Variants in CUBN observed in about 807,000 individuals in gnomAD.
The protein encoded by CUBN is cubilin.
CUBN carries 282 observed loss-of-function variants against 405.3 expected under a neutral mutation model. The observed-to-expected ratio is 0.70, with a 90% CI of 0.63 to 0.77. The LOEUF (loss-of-function observed/expected upper bound fraction) is 0.77, where lower values mean the gene tolerates loss of function less well. Among genes scored for constraint, CUBN ranks in the 30% least tolerant of loss-of-function variants. The pLI, the probability that CUBN is intolerant of heterozygous loss-of-function variation, is 0.00. For synonymous variants in CUBN, 1,684 were observed against 1,617.0 expected (o/e 1.04, Z -0.99); for missense variants, 4,514 against 4,475.2 (o/e 1.01, Z -0.25).
Position 16,941,911 on chromosome 10 carries a change from G to A in CUBN, c.5343-1674C>T, listed in dbSNP as rs1004320209. 1.3e-4 allele frequency among the ~76,000 whole-genome samples: 20 copies of A among 152,142 alleles called. 5 individuals are homozygous for A. Among genetic ancestry groups the A allele is most frequent in the Admixed American group, 2.0e-4 (3 of 15,274 alleles). ...CGGGGTGGGGAAATGGGAGATAATC[G>A]TAAAGCATTTATCTAGCAAGGGACT... is the stretch of plus-strand genomic sequence containing the variant. On this transcript the variant is annotated intron_variant, in intron 36 of 66. Coordinates refer to ENST00000377833, the MANE Select transcript of CUBN (RefSeq NM_001081.4).
intron 28 of CUBN, among the ~76,000 whole-genome samples, chr10:17,009,508 T>G (rs1834119918): frequency 6.6e-6 from 1 of 152,224 alleles, no homozygotes; most frequent in South Asian, 2.1e-4. Flanking sequence ...ATCAAGCTCC[T>G]TAGAGTGGCC....
intron 22 of CUBN, among the ~76,000 whole-genome samples, chr10:17,062,299 T>A (rs1342258076): frequency 6.6e-6 from 1 of 152,174 alleles, no homozygotes; most frequent in African/African-American, 2.4e-5. Flanking sequence ...TGAAAATGAA[T>A]CCGGTACATT....
chr10:17,075,951 G>T (rs1401804147), intron 17 of CUBN, among the ~76,000 whole-genome samples: 2 of 152,168 alleles, frequency 1.3e-5, no homozygotes, highest in East Asian at 3.8e-4. Context: ...TTTTGTTAGA[G>T]ATACAGACAT....
At chr10:17,083,552 T>C (rs74228765) in intron 17 of CUBN, among the ~76,000 whole-genome samples, 5,381 of 40,452 alleles carry the variant, frequency 0.13, 209 homozygotes, top group South Asian at 0.44. Flanking sequence ...TACATACTGC[T>C]GTAGTGCTAT....
At chr10:16,945,468 G>A (rs2131615998) in intron 36 of CUBN, among the ~76,000 whole-genome samples, 1 of 152,228 alleles carries the variant, frequency 6.6e-6, no homozygotes, top group Middle Eastern at 3.4e-3. Flanking sequence ...TGCTCTTAGT[G>A]AAGACAAAGA....
chr10:16,847,819 T>C lies in CUBN; in HGVS notation c.9663+3416A>G, dbSNP rs948876392. Among the ~76,000 whole-genome samples the C allele has an allele frequency of 1.4e-4, 21 of 152,256 alleles. 1 individual carries two copies. The highest frequency in any genetic ancestry group is 4.6e-4 in the African/African-American group (19 of 41,472). ...TTATGAATGAATAATGGAATTGGTA[T>C]GATTTTACTTGTGTATCTACCACAG... On this transcript the variant is annotated intron_variant, in intron 60 of 66. Transcript: ENST00000377833.
intron 17 of CUBN, among the ~76,000 whole-genome samples, chr10:17,078,067 T>A (rs956390967): frequency 1.6e-4 from 25 of 152,130 alleles, no homozygotes; most frequent in African/African-American, 6.0e-4. Flanking sequence ...TCTCTTCTCC[T>A]CCCCATCATC....
At chr10:16,965,961 A>T in intron 31 of CUBN, 1 of 471,236 alleles carries the variant, frequency 2.1e-6, no homozygotes, top group South Asian at 1.5e-5. Context: ...CTGACGTCCG[A>T]CCAAGTATGA....
At chr10:17,108,381 ATGTG>A (rs34953406) in intron 10 of CUBN, among the ~76,000 whole-genome samples, 66,648 of 150,834 alleles carry the variant, frequency 0.44, 16,077 homozygotes, top group Middle Eastern at 0.72. Flanking sequence ...TCACAAGTAT[ATGTG>A]TGTGTGTGTG....
At chr10:16,890,662 G>A (rs750440904) in intron 54 of CUBN, 135 bp from the exon 55 acceptor site, 1 of 884,468 alleles carries the variant, frequency 1.1e-6, no homozygotes, top group Non-Finnish European at 1.9e-6. Flanking sequence ...GGACAAATCT[G>A]TAGTATTTTC....
chr10:16,839,294 G>A (rs903929876), intron 62 of CUBN, among the ~76,000 whole-genome samples: 10 of 152,172 alleles, frequency 6.6e-5, no homozygotes, highest in Non-Finnish European at 1.2e-4. Flanking sequence ...CAAGTTTCTC[G>A]ACACACCTGA....
chr10:17,034,144 C>T lies in CUBN; in HGVS notation c.4017+6889G>A, dbSNP rs145675790. 4.3e-4 allele frequency among the ~76,000 whole-genome samples: 65 copies of T among 152,204 alleles called. No homozygotes were observed. In the East Asian group the frequency reaches 0.011, roughly 26 times the overall value. On this transcript the variant is annotated intron_variant, in intron 27 of 66. Transcript: ENST00000377833. Reference sequence around the variant, plus strand: ...AAATGCCTTTGACTGAAGTCCCCCACACTATCACGAGGACTTGAAATGGAC... The same window carrying T: ...AAATGCCTTTGACTGAAGTCCCCCATACTATCACGAGGACTTGAAATGGAC...
At chr10:17,032,540 T>C (rs1287368644) in intron 27 of CUBN, among the ~76,000 whole-genome samples, 1 of 152,226 alleles carries the variant, frequency 6.6e-6, no homozygotes, top group Non-Finnish European at 1.5e-5. Context: ...TGGACTACTA[T>C]GAGGACAGAC....
chr10:16,913,835 C>G lies in CUBN; in HGVS notation c.7509G>C (p.Pro2503=), dbSNP rs201001705. 5 of 1,613,672 alleles carry G rather than the reference C, an allele frequency of 3.1e-6. No homozygotes were observed. Among genetic ancestry groups the G allele is most frequent in the Admixed American group, 3.3e-5 (2 of 59,986 alleles). The change falls in exon 48 of 67, where the codon CCG becomes CCC. Residue 2503 remains proline (P), a synonymous_variant. Coordinates refer to ENST00000377833, the MANE Select transcript of CUBN (RefSeq NM_001081.4). The stretch of plus-strand genomic sequence containing the variant: ...CTATCACATGCTCATTGTTGCAGGA[C>G]GGATGCGTGGCCAGCCTCAGGTTGT... ...MFNNLRLATH[P]SCNNEHVIVF...
At chr10:16,991,631 G>GT (rs1197680038) in intron 28 of CUBN, among the ~76,000 whole-genome samples, 891 of 32,066 alleles carry the variant, frequency 0.028, 8 homozygotes, top group African/African-American at 0.063. Context: ...CTCTTTTTCT[G>GT]TTTTTTTTTT....
At chr10:17,007,331 C>T (rs1459841824) in intron 28 of CUBN, among the ~76,000 whole-genome samples, 3 of 152,160 alleles carry the variant, frequency 2.0e-5, no homozygotes, top group South Asian at 2.1e-4. Flanking sequence ...TTTGAGGACC[C>T]GCATAAAAGG....
chr10:16,906,595 A>G (rs191665563), intron 49 of CUBN, among the ~76,000 whole-genome samples, 186 bp from the exon 50 acceptor site: 7 of 152,342 alleles, frequency 4.6e-5, no homozygotes, highest in Admixed American at 3.9e-4. Context: ...TATAAAGGAA[A>G]GATGTGCAAA....
At chr10:16,864,207 C>A (rs987164335) in intron 59 of CUBN, among the ~76,000 whole-genome samples, 1 of 152,166 alleles carries the variant, frequency 6.6e-6, no homozygotes, top group South Asian at 2.1e-4. Flanking sequence ...GGGATTTAAT[C>A]AGAATGTAGC....
At chr10:17,087,663 A>T (rs1836152541) in intron 15 of CUBN, among the ~76,000 whole-genome samples, 2 of 151,562 alleles carry the variant, frequency 1.3e-5, no homozygotes, top group African/African-American at 4.8e-5. Context: ...TTTAATAGAG[A>T]TGGGTTTTCA....
Sources: gnomAD v4.1 joint callset for allele counts (sites outside exome capture counted in the v4.1 genomes callset) on GRCh38, gnomAD v4.1.1 for gene constraint, MANE v1.5 for transcripts, NCBI Gene and HGNC (gene_info 2026-07-23, HGNC 2026-07-21) for gene names.